The following GRB14 variants were observed in gnomAD, a reference collection of about 807,000 sequenced individuals.
GRB14 encodes growth factor receptor-bound protein 14.
In GRB14, 38 loss-of-function variants were observed where a neutral mutation model predicts 69.1. The ratio of observed to expected loss-of-function variants is 0.55; its 90% CI spans 0.42 to 0.72. The LOEUF (loss-of-function observed/expected upper bound fraction) is 0.72. Ranked by LOEUF, GRB14 falls within the 30% of genes least tolerant of loss-of-function variation. GRB14 has a pLI of 0.00. For synonymous variants in GRB14, 247 were observed against 241.3 expected (o/e 1.02, Z -0.22); for missense variants, 666 against 666.1 (o/e 1.00, Z 0.00).
intron 2 of GRB14, among the ~76,000 whole-genome samples, chr2:164,615,367 G>A (rs191403804): frequency 5.9e-5 from 9 of 152,180 alleles, no homozygotes; most frequent in Admixed American, 4.6e-4. Flanking sequence ...GTTACATTTC[G>A]GGAAGAAATA....
At chr2:164,578,090 G>T (rs1689295673) in intron 2 of GRB14, among the ~76,000 whole-genome samples, 1 of 151,972 alleles carries the variant, frequency 6.6e-6, no homozygotes, top group Non-Finnish European at 1.5e-5. Context: ...AAAATGAGCT[G>T]GGCTTAGTGG....
intron 2 of GRB14, among the ~76,000 whole-genome samples, chr2:164,605,123 C>A (rs970887490): frequency 6.6e-6 from 1 of 152,062 alleles, no homozygotes; most frequent in African/African-American, 2.4e-5. Flanking sequence ...TGAGGAGAGT[C>A]TCAAAGTAAT....
chr2:164,620,078 TCC>T (rs1342589289), intron 1 of GRB14: 2 of 32,650 alleles, frequency 6.1e-5, no homozygotes, highest in South Asian at 5.9e-4. Flanking sequence ...CCACCACCCC[TCC>T]CCCCCCCACC....
intron 2 of GRB14, among the ~76,000 whole-genome samples, chr2:164,609,663 G>T (rs1690121387): frequency 6.6e-6 from 1 of 152,092 alleles, no homozygotes. Flanking sequence ...CAGAATAGCA[G>T]ATAGTACATT....
intron 2 of GRB14, among the ~76,000 whole-genome samples, chr2:164,578,242 G>GA (rs1339996686): frequency 6.6e-6 from 1 of 151,044 alleles, no homozygotes; most frequent in East Asian, 1.9e-4. Context: ...AAAAAAAAAA[G>GA]AAAAAAAGAA....
At chr2:164,533,224 C>CTTTTT (rs537913705) in intron 3 of GRB14, among the ~76,000 whole-genome samples, 4 of 80,348 alleles carry the variant, frequency 5.0e-5, no homozygotes, top group South Asian at 5.4e-4. Flanking sequence ...GTTTCCAATT[C>CTTTTT]TTTTTTTTTT....
chr2:164,584,147 A>ATTTTTTTTTTTTTTT (rs55883951), intron 2 of GRB14, among the ~76,000 whole-genome samples: 2 of 49,894 alleles, frequency 4.0e-5, no homozygotes, highest in Non-Finnish European at 6.8e-5. Context: ...CAGCCTGGCT[A>ATTTTTTTTTTTTTTT]TTTTTTTTTT....
chr2:164,612,201 G>C (rs193092324), intron 2 of GRB14, among the ~76,000 whole-genome samples: 2 of 152,302 alleles, frequency 1.3e-5, no homozygotes, highest in African/African-American at 4.8e-5. Context: ...AGCCATTATG[G>C]ATTTTAAGGC....
At chr2:164,515,435 C>A (rs140231341) in intron 6 of GRB14, among the ~76,000 whole-genome samples, 185 of 152,304 alleles carry the variant, frequency 1.2e-3, no homozygotes, top group African/African-American at 4.0e-3. Context: ...GGGAGCTCCA[C>A]TGGGTGGCTA....
intron 3 of GRB14, among the ~76,000 whole-genome samples, chr2:164,543,238 T>C (rs1462241127): frequency 6.6e-6 from 1 of 151,378 alleles, no homozygotes; most frequent in Non-Finnish European, 1.5e-5. Flanking sequence ...GAGACGGAGG[T>C]TGCAGTGAGC....
At chr2:164,520,073 A>G (rs1440024731) in intron 6 of GRB14, among the ~76,000 whole-genome samples, 3 of 152,200 alleles carry the variant, frequency 2.0e-5, no homozygotes, top group Admixed American at 2.0e-4. Context: ...CTAAGCAGAA[A>G]GAACAAACCT....
chr2:164,563,372 C>T lies in GRB14; in HGVS notation c.325-15556G>A, dbSNP rs543453840. Among the ~76,000 whole-genome samples the T allele has an allele frequency of 5.9e-5, 9 of 152,270 alleles. No homozygotes were observed. In the South Asian group the frequency reaches 1.9e-3, roughly 32 times the overall value. On this transcript the variant is annotated intron_variant, in intron 2 of 13. Transcript: ENST00000263915. ...CTTCCTCTCTTCCTTCCTGATGAAT[C>T]CTGATTCTGGTGAGGAGGGCAGTGT...
chr2:164,497,381 G>A lies in GRB14; in HGVS notation c.1214C>T (p.Ala405Val). The change falls in exon 10 of 14, where the codon GCT becomes GTT. Residue 405 changes from alanine to valine, a missense_variant. Transcript: ENST00000263915. ...ATGTGAAGCTACTTGTACCCTCCAA[G>A]CGAGTCCTTCTTCAACCGCAACTGA... ...ALSVAVEEGL[A>V]WRKKGCLRLG... The A allele has an allele frequency of 1.2e-6, 2 of 1,612,250 alleles. No homozygotes were observed. The highest frequency in any genetic ancestry group is 1.7e-6 in the Non-Finnish European group (2 of 1,178,596).
Position 164,522,083 on chromosome 2 carries a change from T to C in GRB14, c.713A>G (p.His238Arg), listed in dbSNP as rs1375510820. Reference protein sequence around the residue: ...FLSSSTYPEIHGFLHAKEQGK... With the variant: ...FLSSSTYPEIRGFLHAKEQGK... ...CTGTTCTTTCGCATGTAAGAAACCA[T>C]GAATTTCAGGATATGTGCTTGAACT... Residue 238 changes from histidine to arginine, a missense_variant, in exon 6 of 14, where the codon CAT becomes CGT. By Grantham distance (29) the His-to-Arg change is conservative. Coordinates refer to ENST00000263915, the MANE Select transcript of GRB14 (RefSeq NM_004490.3). 3 of 1,601,402 alleles carry C rather than the reference T, an allele frequency of 1.9e-6. No individual in the cohort carries two copies. The South Asian group carries it at 3.3e-5, about 18-fold the overall frequency.
rs1295524269 is a variant in GRB14 at position 164,493,016 on chromosome 2, A to G, written c.*20T>C. 5.0e-6 allele frequency: 8 copies of G among 1,597,578 alleles called. No homozygotes were observed. The highest frequency in any genetic ancestry group is 6.8e-6 in the Non-Finnish European group (8 of 1,173,038). ...TGAGTCCTTTTCCTTCAATAGTTTA[A>G]TAAGTCACTTCTGGCTTGTCTAGAG... On this transcript the variant is annotated 3_prime_UTR_variant, in exon 14 of 14. Transcript: ENST00000263915.
intron 3 of GRB14, among the ~76,000 whole-genome samples, chr2:164,544,824 T>C (rs1688330079): frequency 6.6e-6 from 1 of 152,232 alleles, no homozygotes; most frequent in Admixed American, 6.5e-5. Flanking sequence ...GGTTCTGACA[T>C]GTCCTAGGAC....
intron 2 of GRB14, among the ~76,000 whole-genome samples, chr2:164,563,896 A>C (rs1688896828): frequency 6.6e-6 from 1 of 152,218 alleles, no homozygotes; most frequent in African/African-American, 2.4e-5. Flanking sequence ...AGATATACAA[A>C]AATAAACAAG....
At chr2:164,507,699 T>C (rs1687229257) in intron 8 of GRB14, among the ~76,000 whole-genome samples, 1 of 152,202 alleles carries the variant, frequency 6.6e-6, no homozygotes, top group Admixed American at 6.5e-5. Flanking sequence ...AACAACAAAA[T>C]TTTGTAATTT....
chr2:164,602,232 C>G (rs1240239463), intron 2 of GRB14, among the ~76,000 whole-genome samples: 1 of 151,522 alleles, frequency 6.6e-6, no homozygotes, highest in Non-Finnish European at 1.5e-5. Context: ...GTCTGCAAAC[C>G]TTGCCTCTGC....
Sources: allele counts gnomAD v4.1 joint callset (sites outside exome capture counted in the v4.1 genomes callset), GRCh38; gene constraint gnomAD v4.1.1; transcripts MANE v1.5; gene names NCBI Gene and HGNC (gene_info 2026-07-23, HGNC 2026-07-21).